FRMD4B: variants seen among roughly 807,000 people sequenced by gnomAD.
FRMD4B encodes the protein FERM domain-containing protein 4B.
A neutral mutation model predicts 141.5 loss-of-function variants in FRMD4B; 74 were observed. That is an observed-to-expected ratio of 0.52 (90% CI 0.43 to 0.63). The LOEUF is 0.63. Ranked by LOEUF, FRMD4B falls within the 30% of genes least tolerant of loss-of-function variation. The pLI is 0.00. For missense variants in FRMD4B, 1,366 were observed against 1,253.4 expected (o/e 1.09, Z -1.36); for synonymous variants, 506 against 467.9 (o/e 1.08, Z -1.05).
At chr3:69,291,436 G>A (rs1307650926) in intron 4 of FRMD4B, among the ~76,000 whole-genome samples, 1 of 152,176 alleles carries the variant, frequency 6.6e-6, no homozygotes, top group Non-Finnish European at 1.5e-5. Context: ...CATTTAATAA[G>A]TAAAGCTGCA....
chr3:69,264,716 T>C (rs2093549619), intron 5 of FRMD4B, among the ~76,000 whole-genome samples: 2 of 152,170 alleles, frequency 1.3e-5, no homozygotes, highest in African/African-American at 4.8e-5. Flanking sequence ...TTCATGGAGT[T>C]TTGAGGACAA....
At chr3:69,536,749 T>A (rs1390365327) in intron 1 of FRMD4B, 5 of 559,826 alleles carry the variant, frequency 8.9e-6, no homozygotes, top group South Asian at 1.8e-5. Flanking sequence ...TTAATTTTTT[T>A]AATTTTTTAT....
chr3:69,204,866 C>T (rs2093007489), intron 11 of FRMD4B, among the ~76,000 whole-genome samples: 1 of 152,050 alleles, frequency 6.6e-6, no homozygotes, highest in African/African-American at 2.4e-5. Context: ...CTATTTTAGT[C>T]TCACTATGCA....
chr3:69,256,547 T>C (rs1398715439), intron 5 of FRMD4B, among the ~76,000 whole-genome samples: 5 of 152,210 alleles, frequency 3.3e-5, no homozygotes, highest in Admixed American at 2.0e-4. Flanking sequence ...CTCGAACTCC[T>C]GACTTCAAGT....
At chr3:69,405,931 C>T (rs1030901644) in intron 2 of FRMD4B, among the ~76,000 whole-genome samples, 1 of 152,132 alleles carries the variant, frequency 6.6e-6, no homozygotes, top group African/African-American at 2.4e-5. Flanking sequence ...TAATATTTTG[C>T]ATTTTCAATG....
At chr3:69,283,108 G>A (rs1324742534) in intron 5 of FRMD4B, among the ~76,000 whole-genome samples, 1 of 152,016 alleles carries the variant, frequency 6.6e-6, no homozygotes, top group Non-Finnish European at 1.5e-5. Context: ...CCCAGGCCAG[G>A]CGCTGTGGCT....
chr3:69,344,925 G>A (rs1228394175), intron 1 of FRMD4B, among the ~76,000 whole-genome samples: 1 of 152,128 alleles, frequency 6.6e-6, no homozygotes, highest in African/African-American at 2.4e-5. Context: ...CAGAAGATGG[G>A]TGATTTCTGC....
chr3:69,274,158 T>C lies in FRMD4B; in HGVS notation c.501+13594A>G, dbSNP rs536468642. Among the ~76,000 whole-genome samples the C allele has an allele frequency of 3.3e-5, 5 of 152,232 alleles. No individual in the cohort carries two copies. In the East Asian group the frequency reaches 9.7e-4, roughly 29 times the overall value. On this transcript the variant is annotated intron_variant, in intron 5 of 22. Transcript: ENST00000398540. The stretch of plus-strand genomic sequence containing the variant: ...GAGCCTAGAGTGATAAGCCAGGGCT[T>C]GCATGTCCTGTCAAGGGGCTTACTA...
rs866199441 is a variant in FRMD4B, at chr3:69,187,822, G to A, written c.1867C>T (p.His623Tyr). 5 of 1,611,356 alleles carry A rather than the reference G, an allele frequency of 3.1e-6. No individual in the cohort carries two copies. Among genetic ancestry groups the A allele is most frequent in the Non-Finnish European group, 4.2e-6 (5 of 1,177,954 alleles). Reference protein sequence around the residue: ...PPKSLGIERIHFRKSSINEQF... With the variant: ...PPKSLGIERIYFRKSSINEQF... ...TCATTGATGGACGACTTTCTGAAAT[G>A]GATTCGCTCAATACCAAGAGACTTG... Residue 623 changes from histidine (H) to tyrosine (Y), a missense_variant, in exon 19 of 23, where the codon CAT becomes TAT. Coordinates refer to ENST00000398540, the MANE Select transcript of FRMD4B (RefSeq NM_015123.3).
In FRMD4B at chr3:69,189,897, A is replaced by G; in HGVS notation, c.1770T>C (p.Asp590=). 1 of 1,582,624 alleles carries G rather than the reference A, an allele frequency of 6.3e-7. No homozygotes were observed. The highest frequency in any genetic ancestry group is 8.7e-7 in the Non-Finnish European group (1 of 1,152,344). ...ACCAAAAAAGGAAGAGCCACTTACG[A>G]TCATCATAGGTGGTGGTGTCAGACA... ...SSLSDTTTYD[D]PSDAFTFPGQ... The change falls in exon 18 of 23, where the codon GAT becomes GAC. Residue 590 remains aspartate (D), a splice_region_variant and synonymous_variant. Coordinates refer to ENST00000398540, the MANE Select transcript of FRMD4B (RefSeq NM_015123.3).
intron 1 of FRMD4B, among the ~76,000 whole-genome samples, chr3:69,506,399 G>A (rs984883329): frequency 2.0e-5 from 3 of 151,744 alleles, no homozygotes; most frequent in African/African-American, 7.3e-5. Flanking sequence ...TGAGAAAGTG[G>A]AGGCATAGTT....
intron 1 of FRMD4B, among the ~76,000 whole-genome samples, chr3:69,457,027 T>TACAC (rs1248330916): frequency 6.6e-6 from 1 of 152,066 alleles, no homozygotes; most frequent in Non-Finnish European, 1.5e-5. Flanking sequence ...CTAATTCACA[T>TACAC]ACACACACAC....
In FRMD4B at chr3:69,181,153, G is replaced by A; in HGVS notation, c.2597C>T (p.Pro866Leu). The A allele has an allele frequency of 3.7e-6, 6 of 1,613,976 alleles. No homozygotes were observed. The highest frequency in any genetic ancestry group is 5.1e-6 in the Non-Finnish European group (6 of 1,179,886). ...SFHEDEVDRV[P>L]HNPYATLRLP... ...CCGGAGAGTTGCATATGGGTTATGG[G>A]GTACCCGGTCGACCTCATCTTCGTG... is the stretch of plus-strand genomic sequence containing the variant. Residue 866 changes from proline to leucine, a missense_variant, in exon 21 of 23, where the codon CCC (proline) becomes CTC (leucine). Coordinates refer to ENST00000398540, the MANE Select transcript of FRMD4B (RefSeq NM_015123.3).
At chr3:69,257,330 C>G (rs1332011691) in intron 5 of FRMD4B, among the ~76,000 whole-genome samples, 1 of 152,146 alleles carries the variant, frequency 6.6e-6, no homozygotes, top group Non-Finnish European at 1.5e-5. Context: ...GTTGAGAACA[C>G]TGTTTATTAC....
chr3:69,540,974 T>G (rs6549235), intron 1 of FRMD4B, among the ~76,000 whole-genome samples: 74,429 of 151,806 alleles, frequency 0.49, 18,961 homozygotes, highest in African/African-American at 0.6. Flanking sequence ...GTGTATGACA[T>G]ATGAAAGTGC....
chr3:69,521,108 T>C (rs1481395480), intron 1 of FRMD4B, among the ~76,000 whole-genome samples: 1 of 152,130 alleles, frequency 6.6e-6, no homozygotes, highest in Non-Finnish European at 1.5e-5. Context: ...GCCTCTTACC[T>C]AATCCTCTCA....
chr3:69,195,128 T>G lies in FRMD4B; in HGVS notation c.1382A>C (p.Lys461Thr). The G allele has an allele frequency of 6.2e-7, 1 of 1,614,032 alleles. No homozygotes were observed. The highest frequency in any genetic ancestry group is 8.5e-7 in the Non-Finnish European group (1 of 1,179,890). ...GTTCAGGGGATACTCCTTTGGCATT[T>G]TGCCTGTGAGCTCCTGTAAAACAGG... ...ICLREAELTG[K>T]MPKEYPLNIG... Residue 461 changes from lysine to threonine, a missense_variant, in exon 16 of 23, where the codon AAA (lysine) becomes ACA (threonine). Physicochemically the swap from Lys to Thr is moderately conservative, Grantham distance 78. Coordinates refer to ENST00000398540, the MANE Select transcript of FRMD4B (RefSeq NM_015123.3).
intron 1 of FRMD4B, among the ~76,000 whole-genome samples, chr3:69,466,219 C>T (rs1409006039): frequency 6.6e-6 from 1 of 152,122 alleles, no homozygotes; most frequent in Non-Finnish European, 1.5e-5. Context: ...ATATCCTTTG[C>T]CCACTTTTTG....
intron 5 of FRMD4B, among the ~76,000 whole-genome samples, chr3:69,271,984 A>AAAAAT (rs750102677): frequency 2.6e-5 from 4 of 152,078 alleles, no homozygotes; most frequent in Non-Finnish European, 4.4e-5. Flanking sequence ...CAAAAAAATA[A>AAAAAT]AAAATAAAAT....
Sources: gnomAD v4.1 joint callset for allele counts (sites outside exome capture counted in the v4.1 genomes callset) on GRCh38, gnomAD v4.1.1 for gene constraint, MANE v1.5 for transcripts, NCBI Gene and HGNC (gene_info 2026-07-23, HGNC 2026-07-21) for gene names.